The following RBMS3 variants were observed in gnomAD, a reference collection of about 807,000 sequenced individuals.
RBMS3 encodes the protein RNA-binding motif, single-stranded-interacting protein 3.
A neutral mutation model predicts 66.8 loss-of-function variants in RBMS3; 27 were observed. That is an observed-to-expected ratio of 0.40 (90% CI 0.30 to 0.56). The LOEUF (loss-of-function observed/expected upper bound fraction) is 0.56. Among genes scored for constraint, RBMS3 ranks in the 20% least tolerant of loss-of-function variants. The probability of loss-of-function intolerance (pLI) is 0.40; values close to 1 mark genes in which losing one functional copy is unlikely to be tolerated. For synonymous variants in RBMS3, 188 were observed against 183.0 expected (o/e 1.03, Z -0.22); for missense variants, 513 against 549.5 (o/e 0.93, Z 0.66).
chr3:29,936,456 G>A (rs993816539), intron 11 of RBMS3, among the ~76,000 whole-genome samples: 3 of 152,032 alleles, frequency 2.0e-5, no homozygotes, highest in African/African-American at 7.2e-5. Flanking sequence ...CAGATGTAAT[G>A]TCTGTTTTTG....
intron 1 of RBMS3, among the ~76,000 whole-genome samples, chr3:29,398,253 G>A (rs2039645653): frequency 6.6e-6 from 1 of 152,172 alleles, no homozygotes; most frequent in Admixed American, 6.5e-5. Flanking sequence ...GTGGCCAGCA[G>A]TGTTATTTCT....
At chr3:29,662,283 C>A (rs961753514) in intron 4 of RBMS3, among the ~76,000 whole-genome samples, 1 of 152,096 alleles carries the variant, frequency 6.6e-6, no homozygotes, top group African/African-American at 2.4e-5. Flanking sequence ...CACACTTTGA[C>A]ATCTCCTAGT....
At chr3:29,731,016 T>C (rs754146309) in intron 4 of RBMS3, 21 of 985,268 alleles carry the variant, frequency 2.1e-5, no homozygotes, top group African/African-American at 5.2e-5. Context: ...CAAAGGTAAC[T>C]TAAATTTAGT....
intron 3 of RBMS3, among the ~76,000 whole-genome samples, chr3:29,560,855 C>T (rs966518432): frequency 6.6e-6 from 1 of 152,072 alleles, no homozygotes; most frequent in Non-Finnish European, 1.5e-5. Context: ...AGCCTAGTAC[C>T]CATTAGTTAT....
intron 4 of RBMS3, among the ~76,000 whole-genome samples, chr3:29,599,585 C>A (rs1376020995): frequency 6.6e-6 from 1 of 151,966 alleles, no homozygotes; most frequent in Non-Finnish European, 1.5e-5. Flanking sequence ...AAAGGACTGA[C>A]CACATTCCAA....
intron 2 of RBMS3, among the ~76,000 whole-genome samples, chr3:29,483,266 G>C (rs532322295): frequency 7.0e-6 from 1 of 143,294 alleles, no homozygotes; most frequent in Non-Finnish European, 1.5e-5. Context: ...CCGAGATCGC[G>C]TCACTGCACT....
chr3:29,684,629 C>T (rs1488780980), intron 4 of RBMS3, among the ~76,000 whole-genome samples: 1 of 152,048 alleles, frequency 6.6e-6, no homozygotes, highest in Non-Finnish European at 1.5e-5. Flanking sequence ...AAAAATTTTC[C>T]TTATAAGTCC....
At chr3:29,481,240 T>C (rs1197935705) in intron 2 of RBMS3, among the ~76,000 whole-genome samples, 1 of 152,032 alleles carries the variant, frequency 6.6e-6, no homozygotes, top group African/African-American at 2.4e-5. Flanking sequence ...TGAAACACAG[T>C]GGGGTGGAGA....
chr3:29,594,808 T>C (rs2047885978), intron 4 of RBMS3, among the ~76,000 whole-genome samples: 1 of 152,190 alleles, frequency 6.6e-6, no homozygotes, highest in Admixed American at 6.5e-5. Flanking sequence ...TATTCATTAA[T>C]TATTTGAAGT....
chr3:29,955,621 G>A (rs1031360926), intron 12 of RBMS3, among the ~76,000 whole-genome samples: 1 of 151,976 alleles, frequency 6.6e-6, no homozygotes, highest in African/African-American at 2.4e-5. Flanking sequence ...AGTACCATTT[G>A]TTTATGTGTG....
chr3:29,606,708 C>T, intron 4 of RBMS3, among the ~76,000 whole-genome samples: 1 of 151,956 alleles, frequency 6.6e-6, no homozygotes, highest in Non-Finnish European at 1.5e-5. Flanking sequence ...ACATTCACAG[C>T]TGTTTCTGAG....
intron 4 of RBMS3, among the ~76,000 whole-genome samples, chr3:29,640,720 T>A (rs17024063): frequency 2.0e-5 from 3 of 152,036 alleles, no homozygotes; most frequent in South Asian, 2.1e-4. Flanking sequence ...CATTTTTTCC[T>A]TGTTTTAAAG....
intron 4 of RBMS3, chr3:29,614,946 A>G (rs1234648595): frequency 6.6e-6 from 1 of 152,242 alleles, no homozygotes; most frequent in African/African-American, 2.4e-5. Flanking sequence ...TTTCCCACTC[A>G]AAGTGTTAGG....
intron 4 of RBMS3, among the ~76,000 whole-genome samples, chr3:29,657,699 G>A (rs1470846416): frequency 6.6e-6 from 1 of 152,172 alleles, no homozygotes; most frequent in Admixed American, 6.5e-5. Context: ...AAATTATGGA[G>A]TGACTTTGAT....
chr3:29,439,307 A>G (rs2041522550), intron 2 of RBMS3, among the ~76,000 whole-genome samples: 1 of 152,184 alleles, frequency 6.6e-6, no homozygotes, highest in South Asian at 2.1e-4. Flanking sequence ...TCAAATAGGT[A>G]ACTCCAGCTG....
intron 1 of RBMS3, among the ~76,000 whole-genome samples, chr3:29,336,592 A>G (rs1270639962): frequency 6.6e-6 from 1 of 152,154 alleles, no homozygotes; most frequent in African/African-American, 2.4e-5. Flanking sequence ...GAACAGTATC[A>G]CTTCCTATAA....
chr3:29,525,128 T>C (rs576143558), intron 3 of RBMS3, among the ~76,000 whole-genome samples: 57 of 152,270 alleles, frequency 3.7e-4, no homozygotes, highest in African/African-American at 1.3e-3. Flanking sequence ...TACCTTTTTT[T>C]CCTTTAGTGA....
chr3:29,641,837 A>G (rs530305790), intron 4 of RBMS3, among the ~76,000 whole-genome samples: 3 of 152,204 alleles, frequency 2.0e-5, no homozygotes, highest in African/African-American at 7.2e-5. Context: ...AGTGGTGTCC[A>G]TGAAGAGCAG....
At chr3:29,406,666 G>C (rs1037511539) in intron 1 of RBMS3, among the ~76,000 whole-genome samples, 5 of 152,048 alleles carry the variant, frequency 3.3e-5, no homozygotes, top group African/African-American at 1.2e-4. Context: ...ACTGTTTTTT[G>C]TAACCCTAAG....
Sources: allele counts gnomAD v4.1 joint callset (sites outside exome capture counted in the v4.1 genomes callset), GRCh38; gene constraint gnomAD v4.1.1; transcripts MANE v1.5; gene names NCBI Gene and HGNC (gene_info 2026-07-23, HGNC 2026-07-21).